Variants in FHIT observed in about 807,000 individuals in gnomAD.
The protein encoded by FHIT is fragile histidine triad diadenosine triphosphatase, also known as bis(5'-adenosyl)-triphosphatase.
In FHIT, 19 loss-of-function variants were observed where a neutral mutation model predicts 17.9. The ratio of observed to expected loss-of-function variants is 1.06; its 90% confidence interval spans 0.74 to 1.56. The LOEUF (loss-of-function observed/expected upper bound fraction) is 1.56. FHIT is among the 40% of genes most tolerant of loss of function. The probability of loss-of-function intolerance (pLI) is 0.00; values close to 1 mark genes in which losing one functional copy is unlikely to be tolerated. For missense variants in FHIT, 248 were observed against 189.2 expected (o/e 1.31, Z -1.82); for synonymous variants, 81 against 69.7 (o/e 1.16, Z -0.81).
chr3:60,478,495 C>A (rs2033454070), intron 5 of FHIT, among the ~76,000 whole-genome samples: 1 of 152,058 alleles, frequency 6.6e-6, no homozygotes, highest in Non-Finnish European at 1.5e-5. Flanking sequence ...CCTCTTGCGG[C>A]AAAGAAAGTG....
At chr3:60,670,915 G>A (rs1189692583) in intron 4 of FHIT, among the ~76,000 whole-genome samples, 1 of 152,166 alleles carries the variant, frequency 6.6e-6, no homozygotes, top group Non-Finnish European at 1.5e-5. Flanking sequence ...GAGCCAGGTA[G>A]AACTGTCCAA....
chr3:61,120,596 C>A (rs995184820), intron 2 of FHIT, among the ~76,000 whole-genome samples: 10 of 152,034 alleles, frequency 6.6e-5, no homozygotes, highest in African/African-American at 2.4e-4. Context: ...TTTAGAAATC[C>A]CCAACCAACC....
At chr3:60,103,644 C>A (rs1704284264) in intron 5 of FHIT, among the ~76,000 whole-genome samples, 1 of 152,172 alleles carries the variant, frequency 6.6e-6, no homozygotes, top group East Asian at 1.9e-4. Flanking sequence ...TATTCTCTTA[C>A]CCTTGTACGG....
chr3:60,724,492 T>C (rs544333496), intron 4 of FHIT, among the ~76,000 whole-genome samples: 4 of 152,328 alleles, frequency 2.6e-5, no homozygotes, highest in East Asian at 1.9e-4. Flanking sequence ...CTTGAATAGC[T>C]ACCTAAGTGT....
chr3:60,530,742 G>C (rs370270242), intron 5 of FHIT, among the ~76,000 whole-genome samples: 21 of 152,164 alleles, frequency 1.4e-4, no homozygotes, highest in African/African-American at 4.6e-4. Flanking sequence ...GATGGTCACA[G>C]CAAGTTTGTC....
At position 61,221,100 on chromosome 3, in the gene FHIT, G is replaced by A. The variant is rs549116448; in HGVS notation, c.-212-20435C>T. ...CAAATCAAATTCCATGAAATCTCAG[G>A]GAGCTTGGCTCCCTGACCCTGGCTG... On this transcript the variant is annotated intron_variant, in intron 1 of 9. Transcript: ENST00000492590. 6.3e-3 allele frequency among the ~76,000 whole-genome samples: 774 copies of A among 122,552 alleles called. 7 individuals are homozygous for A. The highest frequency in any genetic ancestry group is 0.022 in the African/African-American group (732 of 33,898). The allele number at this position is 122,552 out of a possible 152,430, so 80.4% of individuals were successfully genotyped here. A position where few individuals can be genotyped will look rare whatever the true frequency, so the allele number is the denominator to read the frequency against.
chr3:61,053,105 G>C (rs538466580), intron 2 of FHIT, among the ~76,000 whole-genome samples: 1 of 152,102 alleles, frequency 6.6e-6, no homozygotes, highest in South Asian at 2.1e-4. Flanking sequence ...AGGTGCCCCC[G>C]CCTCCCATCC....
chr3:61,240,929 G>C (rs1345533691), intron 1 of FHIT, among the ~76,000 whole-genome samples: 1 of 152,138 alleles, frequency 6.6e-6, no homozygotes, highest in South Asian at 2.1e-4. Flanking sequence ...TATGTAAGGC[G>C]TCCCAAAGTG....
intron 5 of FHIT, among the ~76,000 whole-genome samples, chr3:60,038,037 A>G (rs1361306605): frequency 6.6e-6 from 1 of 152,100 alleles, no homozygotes; most frequent in Non-Finnish European, 1.5e-5. Context: ...TATACTGAGA[A>G]TAAATAAACA....
In FHIT at chr3:60,097,019, ATT is replaced by A. The variant is rs1703978411; in HGVS notation, c.104-82869_104-82868del. 6.2e-5 allele frequency among the ~76,000 whole-genome samples: 3 copies of A among 48,620 alleles called. No individual in the cohort carries two copies. The Admixed American group carries it at 9.1e-4, about 15-fold the overall frequency. 31.9% of individuals were successfully genotyped at this position (48,620 alleles called of 152,430 possible). A position where few individuals can be genotyped will look rare whatever the true frequency, so the allele number is the denominator to read the frequency against. Reference sequence around the variant, plus strand: ...AACACAGTGAGACCCTATCTCTGTTATTATTAAAAAAAAAAAAAAAAAGGAAT... The same window carrying A: ...AACACAGTGAGACCCTATCTCTGTTAATTAAAAAAAAAAAAAAAAAGGAAT... On this transcript the variant is annotated intron_variant, in intron 5 of 9. Transcript: ENST00000492590.
chr3:60,190,612 T>C (rs767536109), intron 5 of FHIT, among the ~76,000 whole-genome samples: 5 of 151,506 alleles, frequency 3.3e-5, no homozygotes, highest in Admixed American at 6.6e-5. Context: ...CTGGGGACTG[T>C]TGTGGGGTGG....
At chr3:60,848,910 A>G (rs782680316) in intron 3 of FHIT, among the ~76,000 whole-genome samples, 83 of 152,264 alleles carry the variant, frequency 5.5e-4, no homozygotes, top group African/African-American at 1.7e-3. Flanking sequence ...AAGTTACTAA[A>G]CACTTTAAAA....
At chr3:60,834,623 C>A (rs949992216) in intron 3 of FHIT, among the ~76,000 whole-genome samples, 1 of 151,730 alleles carries the variant, frequency 6.6e-6, no homozygotes, top group African/African-American at 2.4e-5. Context: ...TTTGGGAGGC[C>A]GAGGAGGGTG....
At chr3:60,209,446 C>T (rs894271724) in intron 5 of FHIT, among the ~76,000 whole-genome samples, 1 of 152,146 alleles carries the variant, frequency 6.6e-6, no homozygotes, top group Non-Finnish European at 1.5e-5. Context: ...TGTGATACTC[C>T]TCTCAATCTC....
chr3:60,166,159 G>A (rs1443391158), intron 5 of FHIT, among the ~76,000 whole-genome samples: 1 of 150,862 alleles, frequency 6.6e-6, no homozygotes, highest in Non-Finnish European at 1.5e-5. Context: ...TCTACTGTAA[G>A]GACTGTTTTT....
chr3:60,745,921 T>C (rs1294914963), intron 4 of FHIT, among the ~76,000 whole-genome samples: 1 of 152,130 alleles, frequency 6.6e-6, no homozygotes, highest in African/African-American at 2.4e-5. Flanking sequence ...ATACTTGAAT[T>C]GACAAATTCT....
At chr3:60,531,423 C>G (rs3856655) in intron 5 of FHIT, among the ~76,000 whole-genome samples, 1 of 151,338 alleles carries the variant, frequency 6.6e-6, no homozygotes, top group African/African-American at 2.4e-5. Context: ...GGACTACAGG[C>G]GCCCGCTACC....
chr3:60,348,850 T>C (rs948834014), intron 5 of FHIT, among the ~76,000 whole-genome samples: 17 of 152,212 alleles, frequency 1.1e-4, no homozygotes, highest in Non-Finnish European at 2.2e-4. Context: ...ATGCCAGGGA[T>C]AGCCTGCTGG....
rs986423482 is a variant in FHIT, at chr3:60,066,494, T to C, written c.104-52342A>G. On this transcript the variant is annotated intron_variant, in intron 5 of 9. Coordinates refer to ENST00000492590, the MANE Select transcript of FHIT (RefSeq NM_002012.4). ...GTTTAGAAATATGTGGATAACAAGATGGAGAGTTAGACTGTTCTGGCCCTA... is the reference window on the plus strand; with the variant it reads ...GTTTAGAAATATGTGGATAACAAGACGGAGAGTTAGACTGTTCTGGCCCTA... 1.3e-5 allele frequency among the ~76,000 whole-genome samples: 2 copies of C among 152,150 alleles called. 1 individual carries two copies.
Sources: gnomAD v4.1 joint callset for allele counts (sites outside exome capture counted in the v4.1 genomes callset) on GRCh38, gnomAD v4.1.1 for gene constraint, MANE v1.5 for transcripts, NCBI Gene and HGNC (gene_info 2026-07-23, HGNC 2026-07-21) for gene names.